The following RAD50 variants were observed in gnomAD, a reference collection of about 807,000 sequenced individuals.
The protein encoded by RAD50 is RAD50 double strand break repair protein.
RAD50 carries 132 observed loss-of-function variants against 168.8 expected under a neutral mutation model. The observed-to-expected ratio is 0.78, with a 90% CI of 0.68 to 0.90. The LOEUF (loss-of-function observed/expected upper bound fraction) is 0.90, where lower values mean the gene tolerates loss of function less well. RAD50 is among the 40% of genes least tolerant of loss of function. The probability of loss-of-function intolerance (pLI) is 0.00; values close to 1 mark genes in which losing one functional copy is unlikely to be tolerated. For missense variants in RAD50, 1,347 were observed against 1,534.4 expected (o/e 0.88, Z 2.04); for synonymous variants, 525 against 497.4 (o/e 1.06, Z -0.74).
rs1750631543 is a variant in RAD50 at position 132,588,210 on chromosome 5, G to A, written c.1051+121G>A. Reference sequence around the variant, plus strand: ...AGCCAATCTTAAAAGGCTATACACAGTATGTTTCCATTTATATAACATTTT... The same window carrying A: ...AGCCAATCTTAAAAGGCTATACACAATATGTTTCCATTTATATAACATTTT... On this transcript the variant is annotated intron_variant, in intron 7 of 24. Coordinates refer to ENST00000378823, the MANE Select transcript of RAD50 (RefSeq NM_005732.4). The A allele has an allele frequency of 1.1e-5, 12 of 1,139,042 alleles. No homozygotes were observed. In the South Asian group the frequency reaches 1.6e-4, roughly 15 times the overall value. 70.6% of individuals were successfully genotyped at this position (1,139,042 alleles called of 1,614,324 possible).
chr5:132,614,312 A>G (rs757931347), intron 19 of RAD50, among the ~76,000 whole-genome samples: 1 of 152,224 alleles, frequency 6.6e-6, no homozygotes, highest in Non-Finnish European at 1.5e-5. Context: ...ATAAGGAACA[A>G]CAAGCATAGT....
intron 23 of RAD50, among the ~76,000 whole-genome samples, chr5:132,639,477 C>T (rs1369186041): frequency 6.6e-6 from 1 of 151,974 alleles, no homozygotes; most frequent in Non-Finnish European, 1.5e-5. Flanking sequence ...AAATGACAAA[C>T]TTGTGATCTG....
rs549852727 is a variant in RAD50, at chr5:132,559,436, T to G, written c.213+69T>G. On this transcript the variant is annotated intron_variant, in intron 2 of 24. Transcript: ENST00000378823. ...TGATAATAGCTTATTATAGAAAACT[T>G]GGCACTGGAAAACTATAAAGAGAAA... 2.0e-6 allele frequency: 3 copies of G among 1,490,352 alleles called. No individual in the cohort carries two copies. In the South Asian group the frequency reaches 3.8e-5, roughly 19 times the overall value. 92.3% of individuals were successfully genotyped at this position (1,490,352 alleles called of 1,614,324 possible). A position where few individuals can be genotyped will look rare whatever the true frequency, so the allele number is the denominator to read the frequency against.
intron 2 of RAD50, among the ~76,000 whole-genome samples, chr5:132,572,851 C>T (rs1176428470): frequency 1.3e-5 from 2 of 152,300 alleles, no homozygotes; most frequent in East Asian, 1.9e-4. Flanking sequence ...CCAGGGTAAT[C>T]TTTCTATTTT....
chr5:132,638,338 C>A, intron 23 of RAD50, 115 bp downstream of exon 23: 3 of 1,238,708 alleles, frequency 2.4e-6, no homozygotes, highest in Non-Finnish European at 3.5e-6. Flanking sequence ...AAGCTCTTTG[C>A]TGCTATATAA....
intron 23 of RAD50, 99 bp downstream of exon 23, chr5:132,638,322 G>A (rs1751638496): frequency 1.4e-5 from 20 of 1,386,912 alleles, no homozygotes; most frequent in Non-Finnish European, 2.0e-5. Flanking sequence ...ACACCTGAAT[G>A]GTGGGAAGCT....
intron 21 of RAD50, among the ~76,000 whole-genome samples, chr5:132,619,819 T>TCTCTCTCTCTCTACTA (rs1561651574): frequency 8.6e-6 from 1 of 116,416 alleles, no homozygotes; most frequent in African/African-American, 4.6e-5. Context: ...TCTACTCCTC[T>TCTCTCTCTCTCTACTA]CTCTCTCTCT....
chr5:132,636,307 C>T (rs926387941), intron 21 of RAD50, among the ~76,000 whole-genome samples: 19 of 152,090 alleles, frequency 1.2e-4, no homozygotes, highest in South Asian at 2.1e-4. Context: ...AAACATTTCT[C>T]CTCTTTGTTT....
At position 132,603,995 on chromosome 5, in the gene RAD50, G is replaced by C. The variant is rs1411252513; in HGVS notation, c.2473G>C (p.Val825Leu). The change falls in exon 15 of 25, where the codon GTC becomes CTC. Residue 825 changes from valine (V) to leucine (L), a missense_variant. By Grantham distance (32) the Val-to-Leu change is conservative (BLOSUM62 1). Around this residue, in one of 3 missense-constraint regions of RAD50, gnomAD observed 635 missense variants for 739.2 expected, o/e 0.86. Transcript: ENST00000378823. Reference protein sequence around the residue: ...KLQGIDLDRTVQQVNQEKQEK... With the variant: ...KLQGIDLDRTLQQVNQEKQEK... Reference sequence around the variant, plus strand: ...ACAAGGAATAGACTTAGATCGAACTGTCCAACAAGTCAACCAGGAGAAACA... The same window carrying C: ...ACAAGGAATAGACTTAGATCGAACTCTCCAACAAGTCAACCAGGAGAAACA... 1 of 1,613,686 alleles carries C rather than the reference G, an allele frequency of 6.2e-7. No homozygotes were observed. The highest frequency in any genetic ancestry group is 2.2e-5 in the East Asian group (1 of 44,838).
Position 132,603,336 on chromosome 5 carries a change from A to C in RAD50, c.2244A>C (p.Pro748=). 6.2e-7 allele frequency: 1 copy of C among 1,613,636 alleles called. No homozygotes were observed. The highest frequency in any genetic ancestry group is 1.7e-4 in the Middle Eastern group (1 of 6,058). Residue 748 remains proline, a synonymous_variant, in exon 14 of 25, where the codon CCA becomes CCC. Coordinates refer to ENST00000378823, the MANE Select transcript of RAD50 (RefSeq NM_005732.4). ...SIIDLKEKEI[P]ELRNKLQNVN... ...TTGATTTGAAGGAGAAGGAAATACC[A>C]GAATTAAGAAACAAACTGCAGAATG...
At chr5:132,574,035 G>A (rs1040272623) in intron 2 of RAD50, among the ~76,000 whole-genome samples, 4 of 152,246 alleles carry the variant, frequency 2.6e-5, no homozygotes, top group African/African-American at 9.6e-5. Context: ...CAAGCTGTCA[G>A]TGGATCTATT....
At chr5:132,570,776 T>A (rs1198816259) in intron 2 of RAD50, among the ~76,000 whole-genome samples, 1 of 152,246 alleles carries the variant, frequency 6.6e-6, no homozygotes, top group Non-Finnish European at 1.5e-5. Context: ...AGTAGCACTT[T>A]TAATTTTATT....
chr5:132,593,240 G>C (rs1055004443), intron 11 of RAD50: 3 of 173,992 alleles, frequency 1.7e-5, no homozygotes, highest in Admixed American at 1.7e-4. Flanking sequence ...ACTTGTTCTT[G>C]CTTCAGTTTA....
chr5:132,637,582 C>T (rs1225707347), intron 22 of RAD50, among the ~76,000 whole-genome samples: 1 of 150,648 alleles, frequency 6.6e-6, no homozygotes. Context: ...CGGGCTGGAG[C>T]GCAGTGGTGC....
intron 14 of RAD50, 122 bp from the exon 15 acceptor site, chr5:132,603,798 T>C: frequency 1.0e-6 from 1 of 997,988 alleles, no homozygotes; most frequent in East Asian, 2.6e-5. Flanking sequence ...TTGCTAAAAT[T>C]GTATCTAGAA....
Position 132,618,253 on chromosome 5 carries a change from T to G in RAD50, c.3348T>G (p.Leu1116=). Residue 1116 remains leucine, a synonymous_variant, in exon 21 of 25, where the codon CTT becomes CTG. Coordinates refer to ENST00000378823, the MANE Select transcript of RAD50 (RefSeq NM_005732.4). ...EMMIVMRTTE[L]VNKDLDIYYK... The stretch of plus-strand genomic sequence containing the variant: ...TGATTGTTATGAGGACAACAGAACT[T>G]GTGAACAAGGATCTGGATATTTATT... The G allele has an allele frequency of 6.2e-7, 1 of 1,614,028 alleles. No individual in the cohort carries two copies. The highest frequency in any genetic ancestry group is 8.5e-7 in the Non-Finnish European group (1 of 1,179,960).
chr5:132,610,958 G>A (rs1751073054), intron 19 of RAD50, among the ~76,000 whole-genome samples: 1 of 152,240 alleles, frequency 6.6e-6, no homozygotes, highest in South Asian at 2.1e-4. Context: ...ATACAATAGA[G>A]CAAAGATAAA....
chr5:132,581,768 C>T (rs1435080630), intron 5 of RAD50, among the ~76,000 whole-genome samples: 1 of 152,126 alleles, frequency 6.6e-6, no homozygotes, highest in Non-Finnish European at 1.5e-5. Flanking sequence ...GTTCAATAGA[C>T]AGAAGAGTGG....
chr5:132,578,639 G>T (rs1449585432), intron 3 of RAD50, among the ~76,000 whole-genome samples: 1 of 138,004 alleles, frequency 7.2e-6, no homozygotes, highest in Admixed American at 8.2e-5. Context: ...TGATTCTCTT[G>T]CCTCAGCCTC....
Sources: allele counts gnomAD v4.1 joint callset (sites outside exome capture counted in the v4.1 genomes callset), GRCh38; gene constraint gnomAD v4.1.1; regional missense constraint gnomAD v4.1.1; transcripts MANE v1.5; gene names NCBI Gene and HGNC (gene_info 2026-07-23, HGNC 2026-07-21).